OR7D4: variants seen among roughly 807,000 people sequenced by gnomAD.
OR7D4 encodes olfactory receptor family 7 subfamily D member 4, also known as olfactory receptor 7D4.
For synonymous variants in OR7D4, 154 were observed against 158.4 expected (o/e 0.97, Z 0.21); for missense variants, 319 against 377.1 (o/e 0.85, Z 1.27).
chr19:9,217,432 T>C (rs2051223124), intron 1 of OR7D4, among the ~76,000 whole-genome samples: 1 of 152,176 alleles, frequency 6.6e-6, no homozygotes, highest in Non-Finnish European at 1.5e-5. Context: ...TAATTAAAGA[T>C]GGAAAAATAA....
chr19:9,214,728 A>G lies in OR7D4; in HGVS notation c.110T>C (p.Val37Ala). ...LFGLFLSMYLVTVLGNLLIIL... is the reference protein window; with the variant it reads ...LFGLFLSMYLATVLGNLLIIL... ...GATGAGCAGGTTCCCCAGCACCGTG[A>G]CCAGGTACATGGACAGGAACAGCCC... Residue 37 changes from valine (V) to alanine (A), a missense_variant, in exon 2 of 2, where the codon GTC (valine) becomes GCC (alanine). By Grantham distance (64) the Val-to-Ala change is moderately conservative (BLOSUM62 0). Coordinates refer to ENST00000641669, the MANE Select transcript of OR7D4 (RefSeq NM_001005191.3). The G allele has an allele frequency of 1.9e-6, 3 of 1,614,068 alleles. No homozygotes were observed. Among genetic ancestry groups the G allele is most frequent in the Non-Finnish European group, 2.5e-6 (3 of 1,179,940 alleles).
At chr19:9,219,135 T>TC (rs1267511126) in intron 1 of OR7D4, 65 bp downstream of exon 1, 1 of 152,090 alleles carries the variant, frequency 6.6e-6, no homozygotes, top group Non-Finnish European at 1.5e-5. Context: ...TAACCAATAA[T>TC]CTGCCAGGAA....
Position 9,214,595 on chromosome 19 carries a change from C to T in OR7D4, c.243G>A (p.Met81Ile). The T allele has an allele frequency of 1.2e-6, 2 of 1,614,120 alleles. No homozygotes were observed. The highest frequency in any genetic ancestry group is 1.7e-5 in the Admixed American group (1 of 60,014). ...ICFISTTVPKMLVSIQARSKD... is the reference protein window; with the variant it reads ...ICFISTTVPKILVSIQARSKD... ...TGCTCCGTGCCTGGATGCTCACTAG[C>T]ATCTTGGGGACTGTGGTGGAGATGA... The change falls in exon 2 of 2, where the codon ATG becomes ATA. Residue 81 changes from methionine (M) to isoleucine (I), a missense_variant. Transcript: ENST00000641669.
In OR7D4 at chr19:9,213,876, C is replaced by T. The variant is rs749212944; in HGVS notation, c.*23G>A. 2 of 1,573,894 alleles carry T rather than the reference C, an allele frequency of 1.3e-6. No individual in the cohort carries two copies. Among genetic ancestry groups the T allele is most frequent in the East Asian group, 2.2e-5 (1 of 44,674 alleles). Reference sequence around the variant, plus strand: ...GCCTTAGGGGTACGCAGTGTGTCCTCTTAGTTCTGAGGCCCTGATTTGTCA... The same window carrying T: ...GCCTTAGGGGTACGCAGTGTGTCCTTTTAGTTCTGAGGCCCTGATTTGTCA... On this transcript the variant is annotated 3_prime_UTR_variant, in exon 2 of 2. Coordinates refer to ENST00000641669, the MANE Select transcript of OR7D4 (RefSeq NM_001005191.3).
chr19:9,218,856 G>A (rs73498883), intron 1 of OR7D4, among the ~76,000 whole-genome samples: 30,725 of 151,734 alleles, frequency 0.2, 4,175 homozygotes, highest in African/African-American at 0.38. Flanking sequence ...CTGGTCTCAG[G>A]GTCCTGGCCT....
At position 9,213,607 on chromosome 19, in the gene OR7D4, A is replaced by G. The variant is rs886071899; in HGVS notation, c.*292T>C. The G allele has an allele frequency of 7.9e-5, 26 of 330,156 alleles. No homozygotes were observed. Among genetic ancestry groups the G allele is most frequent in the African/African-American group, 5.4e-4 (25 of 46,716 alleles). 20.5% of individuals were successfully genotyped at this position (330,156 alleles called of 1,614,324 possible). A position where few individuals can be genotyped will look rare whatever the true frequency, so the allele number is the denominator to read the frequency against. On this transcript the variant is annotated 3_prime_UTR_variant, in exon 2 of 2. Transcript: ENST00000641669. The stretch of plus-strand genomic sequence containing the variant: ...ACAAAAATTAGCTGGCTGTGGTGGC[A>G]CACACCTGTAATCTCAGCTACTTGA...
rs546438692 is a variant in OR7D4, at chr19:9,219,509, C to T, written c.-323G>A. Reference sequence around the variant, plus strand: ...TCTCTCTCCTCTTTTCCTTCTTACCCCACCAGCCCTCACTGGGTCACACTA... The same window carrying T: ...TCTCTCTCCTCTTTTCCTTCTTACCTCACCAGCCCTCACTGGGTCACACTA... On this transcript the variant is annotated 5_prime_UTR_variant, in exon 1 of 2. Transcript: ENST00000641669. 3.3e-4 allele frequency: 51 copies of T among 152,346 alleles called. No homozygotes were observed. The highest frequency in any genetic ancestry group is 1.2e-3 in the African/African-American group (48 of 41,564). 9.4% of individuals were successfully genotyped at this position (152,346 alleles called of 1,614,324 possible).
chr19:9,216,618 G>A (rs1599223522), intron 1 of OR7D4, among the ~76,000 whole-genome samples: 2 of 151,890 alleles, frequency 1.3e-5, no homozygotes, highest in Non-Finnish European at 2.9e-5. Flanking sequence ...TTGAGACAGA[G>A]TCTCACTCTG....
intron 1 of OR7D4, 46 bp downstream of exon 1, chr19:9,219,149 TATAGA>T (rs1253736948): frequency 4.6e-5 from 7 of 151,776 alleles, no homozygotes; most frequent in African/African-American, 1.7e-4. Flanking sequence ...CCAGGAAAAA[TATAGA>T]ATATAATAGA....
rs2051181888 is a variant in OR7D4 at position 9,212,906 on chromosome 19, C to T, written c.*993G>A. ...TAGCTGGGAAGACAGGTGTGAGCCA[C>T]TGTGCCCCGAAAATTTTATATCACT... On this transcript the variant is annotated 3_prime_UTR_variant, in exon 2 of 2. Coordinates refer to ENST00000641669, the MANE Select transcript of OR7D4 (RefSeq NM_001005191.3). 6.6e-6 allele frequency: 1 copy of T among 152,182 alleles called. No homozygotes were observed. Among genetic ancestry groups the T allele is most frequent in the African/African-American group, 2.4e-5 (1 of 41,434 alleles). The allele number at this position is 152,182 out of a possible 1,614,324, so 9.4% of individuals were successfully genotyped here.
intron 1 of OR7D4, 110 bp from the exon 2 acceptor site, chr19:9,214,960 G>A (rs896542075): frequency 4.8e-6 from 3 of 620,294 alleles, no homozygotes; most frequent in Non-Finnish European, 5.7e-6. Flanking sequence ...CCTTCCTGGA[G>A]TCCTTACAAA....
Position 9,214,216 on chromosome 19 carries a change from C to T in OR7D4, c.622G>A (p.Val208Met), listed in dbSNP as rs2051192235. ...AAGAGGATCCCAGCTACAGGAAACA[C>T]ACCCAGCAGTGCCGTGGCCACATAC... Reference protein sequence around the residue: ...VLYVATALLGVFPVAGILFSY... With the variant: ...VLYVATALLGMFPVAGILFSY... The change falls in exon 2 of 2, where the codon GTG (valine) becomes ATG (methionine). Residue 208 changes from valine (V) to methionine (M), a missense_variant. Val to Met is a conservative substitution (Grantham distance 21). Coordinates refer to ENST00000641669, the MANE Select transcript of OR7D4 (RefSeq NM_001005191.3). The T allele has an allele frequency of 1.9e-6, 3 of 1,614,190 alleles. No individual in the cohort carries two copies.
intron 1 of OR7D4, among the ~76,000 whole-genome samples, chr19:9,218,401 A>G (rs1429276944): frequency 1.3e-5 from 2 of 152,224 alleles, no homozygotes; most frequent in African/African-American, 4.8e-5. Context: ...GAAATCATAA[A>G]CAAAATCACA....
rs553851677 is a variant in OR7D4 at position 9,212,882 on chromosome 19, A to G, written c.*1017T>C. 1 of 152,294 alleles carries G rather than the reference A, an allele frequency of 6.6e-6. No individual in the cohort carries two copies. Among genetic ancestry groups the G allele is most frequent in the Admixed American group, 6.5e-5 (1 of 15,278 alleles). The allele number at this position is 152,294 out of a possible 1,614,324, so 9.4% of individuals were successfully genotyped here. A position where few individuals can be genotyped will look rare whatever the true frequency, so the allele number is the denominator to read the frequency against. On this transcript the variant is annotated 3_prime_UTR_variant, in exon 2 of 2. Coordinates refer to ENST00000641669, the MANE Select transcript of OR7D4 (RefSeq NM_001005191.3). ...ATTCTCCTGCCTCAGCCCTCCAAGT[A>G]GCTGGGAAGACAGGTGTGAGCCACT... is the stretch of plus-strand genomic sequence containing the variant.
chr19:9,214,028 G>A lies in OR7D4; in HGVS notation c.810C>T (p.Ser270=), dbSNP rs755701694. 15 of 1,613,990 alleles carry A rather than the reference G, an allele frequency of 9.3e-6. No homozygotes were observed. Among genetic ancestry groups the A allele is most frequent in the African/African-American group, 1.3e-5 (1 of 74,896 alleles). The change falls in exon 2 of 2, where the codon AGC becomes AGT. Residue 270 remains serine, a synonymous_variant. Transcript: ENST00000641669. ...LSSAVTHSSQ[S]SSTASVMYAM... ...CGTACATCACTGAGGCGGTGGAGCT[G>A]CTCTGGGAAGAATGGGTCACAGCAG...
In OR7D4 at chr19:9,213,894, A is replaced by C; in HGVS notation, c.*5T>G. 1 of 1,609,782 alleles carries C rather than the reference A, an allele frequency of 6.2e-7. No homozygotes were observed. Among genetic ancestry groups the C allele is most frequent in the South Asian group, 1.1e-5 (1 of 90,936 alleles). ...GTGTCCTCTTAGTTCTGAGGCCCTGATTTGTCATGGACAAGAGTCGGCCCT... is the reference window on the plus strand; with the variant it reads ...GTGTCCTCTTAGTTCTGAGGCCCTGCTTTGTCATGGACAAGAGTCGGCCCT... On this transcript the variant is annotated 3_prime_UTR_variant, in exon 2 of 2. Coordinates refer to ENST00000641669, the MANE Select transcript of OR7D4 (RefSeq NM_001005191.3).
rs2051190689 is a variant in OR7D4 at position 9,214,072 on chromosome 19, G to C, written c.766C>G (p.Leu256Val). The C allele has an allele frequency of 6.2e-7, 1 of 1,614,056 alleles. No homozygotes were observed. Among genetic ancestry groups the C allele is most frequent in the Admixed American group, 1.7e-5 (1 of 59,996 alleles). Residue 256 changes from leucine (L) to valine (V), a missense_variant, in exon 2 of 2, where the codon CTT becomes GTT. Physicochemically the swap from Leu to Val is conservative, Grantham distance 32. Transcript: ENST00000641669. ...ACAGCAGAACTCAGATAGACCCCAAGTCCTGTTCCATAGAACAAGGAGACC... is the reference window on the plus strand; with the variant it reads ...ACAGCAGAACTCAGATAGACCCCAACTCCTGTTCCATAGAACAAGGAGACC... ...CVVSLFYGTG[L>V]GVYLSSAVTH...
Position 9,219,418 on chromosome 19 carries a change from T to C in OR7D4, c.-232A>G, listed in dbSNP as rs2051239697. ...TAAAGTACCATCAAAGTACAGGGAC[T>C]TCACCTTCATAGACTCAATAAGTAT... On this transcript the variant is annotated 5_prime_UTR_variant, in exon 1 of 2. Transcript: ENST00000641669. 1 of 152,196 alleles carries C rather than the reference T, an allele frequency of 6.6e-6. No homozygotes were observed. Among genetic ancestry groups the C allele is most frequent in the Admixed American group, 6.5e-5 (1 of 15,268 alleles). The allele number at this position is 152,196 out of a possible 1,614,324, so 9.4% of individuals were successfully genotyped here.
intron 1 of OR7D4, among the ~76,000 whole-genome samples, chr19:9,217,093 T>C (rs2051220064): frequency 6.6e-6 from 1 of 152,184 alleles, no homozygotes; most frequent in African/African-American, 2.4e-5. Context: ...AGAGAATGTC[T>C]GCCCAGTGTA....
Sources: allele counts gnomAD v4.1 joint callset (sites outside exome capture counted in the v4.1 genomes callset), GRCh38; gene constraint gnomAD v4.1.1; transcripts MANE v1.5; gene names NCBI Gene and HGNC (gene_info 2026-07-23, HGNC 2026-07-21).